Variants in WDPCP observed in about 807,000 individuals in gnomAD.
WDPCP encodes the protein WD repeat containing planar cell polarity effector.
WDPCP carries 71 observed loss-of-function variants against 93.1 expected under a neutral mutation model. The observed-to-expected ratio is 0.76, with a 90% CI of 0.63 to 0.93. WDPCP has a LOEUF of 0.93. WDPCP is among the 40% of genes least tolerant of loss of function. WDPCP has a pLI of 0.00. For synonymous variants in WDPCP, 315 were observed against 315.0 expected (o/e 1.00, Z 0.00); for missense variants, 844 against 887.4 (o/e 0.95, Z 0.62).
chr2:63,173,628 T>A (rs541303081), intron 15 of WDPCP, among the ~76,000 whole-genome samples: 1 of 152,320 alleles, frequency 6.6e-6, no homozygotes, highest in African/African-American at 2.4e-5. Context: ...TCAGCAATTT[T>A]TCATGAATAA....
intron 12 of WDPCP, among the ~76,000 whole-genome samples, chr2:63,343,268 A>G (rs577782561): frequency 8.7e-5 from 13 of 149,088 alleles, no homozygotes; most frequent in Non-Finnish European, 1.5e-4. Flanking sequence ...TCGGCCTCCC[A>G]AAGTGCTGGG....
At chr2:63,214,937 A>C (rs1677185158) in intron 14 of WDPCP, among the ~76,000 whole-genome samples, 1 of 152,212 alleles carries the variant, frequency 6.6e-6, no homozygotes, top group Admixed American at 6.5e-5. Context: ...GACCACTTCA[A>C]GGAGAATTAC....
At chr2:63,174,879 T>G (rs758355240) in intron 14 of WDPCP, 47 bp from the exon 15 acceptor site, 1 of 1,584,726 alleles carries the variant, frequency 6.3e-7, no homozygotes, top group Non-Finnish European at 8.7e-7. Context: ...GTACAATTTC[T>G]GCTAACTCCC....
intron 2 of WDPCP, among the ~76,000 whole-genome samples, chr2:63,742,881 G>A (rs574842809): frequency 6.6e-6 from 1 of 151,758 alleles, no homozygotes; most frequent in South Asian, 2.1e-4. Context: ...AAGAATTTAA[G>A]GGTGCTATAA....
intron 10 of WDPCP, among the ~76,000 whole-genome samples, chr2:63,384,473 A>G (rs1343805842): frequency 6.6e-6 from 1 of 152,152 alleles, no homozygotes. Flanking sequence ...GTTTGAAGTC[A>G]TTGTTAAAAA....
At chr2:63,358,000 A>G (rs181804709) in intron 12 of WDPCP, among the ~76,000 whole-genome samples, 44 of 152,304 alleles carry the variant, frequency 2.9e-4, no homozygotes, top group African/African-American at 1.1e-3. Context: ...GCAAACTAAC[A>G]TAGTAACAGA....
In WDPCP at chr2:63,382,512, A is replaced by G. The variant is rs547489636; in HGVS notation, c.1436-418T>C. Among the ~76,000 whole-genome samples, 6 of 152,234 alleles carry G rather than the reference A, an allele frequency of 3.9e-5. No individual in the cohort carries two copies. The East Asian group carries it at 1.2e-3, about 29-fold the overall frequency. On this transcript the variant is annotated intron_variant, in intron 10 of 17. Transcript: ENST00000272321. ...TCTTTTCAAAATGGTAGGTTACAAAATCTTTTTTTCTTCAATGTTTACTGA... is the reference window on the plus strand; with the variant it reads ...TCTTTTCAAAATGGTAGGTTACAAAGTCTTTTTTTCTTCAATGTTTACTGA...
At position 63,404,586 on chromosome 2, in the gene WDPCP, C is replaced by T; in HGVS notation, c.897G>A (p.Val299=). 1.2e-6 allele frequency: 2 copies of T among 1,614,032 alleles called. No individual in the cohort carries two copies. The highest frequency in any genetic ancestry group is 1.7e-4 in the Middle Eastern group (1 of 6,060). Residue 299 remains valine (V), a synonymous_variant, in exon 10 of 18, where the codon GTG becomes GTA. Transcript: ENST00000272321. ...CACTTACGGAGTGCTCCACTGTGAACACCTGATAAGGCTGTTTGGTGCCAA... is the reference window on the plus strand; with the variant it reads ...CACTTACGGAGTGCTCCACTGTGAATACCTGATAAGGCTGTTTGGTGCCAA... ...VRFGTKQPYQ[V]FTVEHSVSVD... is the part of the protein sequence containing the mutation.
At chr2:63,542,641 T>A (rs867782041) in intron 1 of WDPCP, among the ~76,000 whole-genome samples, 5 of 152,208 alleles carry the variant, frequency 3.3e-5, no homozygotes, top group African/African-American at 1.2e-4. Flanking sequence ...ATACTAAATA[T>A]GTATTTTTAA....
chr2:63,415,787 AAAG>A (rs1284345475), intron 9 of WDPCP, among the ~76,000 whole-genome samples: 1 of 152,240 alleles, frequency 6.6e-6, no homozygotes, highest in Non-Finnish European at 1.5e-5. Flanking sequence ...CCCACAGAAG[AAAG>A]AAGAGTGAGA....
At chr2:63,349,385 A>C (rs1013759483) in intron 12 of WDPCP, among the ~76,000 whole-genome samples, 1 of 152,118 alleles carries the variant, frequency 6.6e-6, no homozygotes, top group African/African-American at 2.4e-5. Context: ...TTTTAATTTT[A>C]TTTTAGTTAA....
intron 1 of WDPCP, among the ~76,000 whole-genome samples, chr2:63,535,759 C>T (rs934279468): frequency 9.2e-5 from 14 of 152,168 alleles, no homozygotes; most frequent in East Asian, 3.8e-4. Flanking sequence ...CATAAAAGCC[C>T]TAGAAGAAAA....
At chr2:63,711,185 T>C (rs1669257307) in intron 2 of WDPCP, among the ~76,000 whole-genome samples, 1 of 152,090 alleles carries the variant, frequency 6.6e-6, no homozygotes, top group Non-Finnish European at 1.5e-5. Context: ...AACAGTGGGC[T>C]TCAGTGGGTA....
chr2:63,644,147 C>A, intron 3 of WDPCP: 1 of 303,998 alleles, frequency 3.3e-6, no homozygotes, highest in South Asian at 3.2e-5. Flanking sequence ...GGATATTGGC[C>A]TATAGTTTTA....
intron 1 of WDPCP, among the ~76,000 whole-genome samples, chr2:63,550,271 C>T (rs1213993196): frequency 2.0e-5 from 3 of 150,670 alleles, no homozygotes; most frequent in African/African-American, 7.3e-5. Flanking sequence ...CCACCATTCT[C>T]CTTGGTTTAA....
chr2:63,126,243 A>C (rs755456045), intron 17 of WDPCP, among the ~76,000 whole-genome samples: 3 of 152,142 alleles, frequency 2.0e-5, no homozygotes, highest in Non-Finnish European at 2.9e-5. Context: ...CTGCACAAAC[A>C]TTCTTGAGTG....
At chr2:63,478,286 A>G (rs1213499650) in intron 6 of WDPCP, among the ~76,000 whole-genome samples, 1 of 152,122 alleles carries the variant, frequency 6.6e-6, no homozygotes, top group African/African-American at 2.4e-5. Context: ...GGTCATCAAG[A>G]CCAAGTCAAA....
intron 2 of WDPCP, among the ~76,000 whole-genome samples, chr2:63,723,429 TC>T (rs1286726996): frequency 3.9e-5 from 6 of 152,224 alleles, no homozygotes; most frequent in African/African-American, 1.4e-4. Flanking sequence ...CTGGTCAGAT[TC>T]TGCTATTATA....
chr2:63,126,666 GTTTTTTTTTTT>G (rs763749429), intron 17 of WDPCP, among the ~76,000 whole-genome samples: 1 of 98,116 alleles, frequency 1.0e-5, no homozygotes, highest in African/African-American at 3.7e-5. Flanking sequence ...CTTGTTTTGT[GTTTTTTTTTTT>G]TTTTTTTTTT....
Sources: gnomAD v4.1 joint callset for allele counts (sites outside exome capture counted in the v4.1 genomes callset) on GRCh38, gnomAD v4.1.1 for gene constraint, MANE v1.5 for transcripts, NCBI Gene and HGNC (gene_info 2026-07-23, HGNC 2026-07-21) for gene names.